The following KAT2B variants were observed in gnomAD, a reference collection of about 807,000 sequenced individuals.
KAT2B encodes histone acetyltransferase KAT2B.
A neutral mutation model predicts 105.9 loss-of-function variants in KAT2B; 36 were observed. The ratio of observed to expected loss-of-function variants is 0.34; its 90% CI spans 0.26 to 0.45. The LOEUF (loss-of-function observed/expected upper bound fraction) is 0.45, where lower values mean the gene tolerates loss of function less well. Ranked by LOEUF, KAT2B falls within the 20% of genes least tolerant of loss-of-function variation. KAT2B has a pLI of 1.00. For missense variants in KAT2B, 820 were observed against 1,021.6 expected, an observed-to-expected ratio of 0.80 and a Z score of 2.69; for synonymous variants, 397 against 377.9, an observed-to-expected ratio of 1.05 and a Z score of -0.59.
chr3:20,058,520 C>A (rs1435011218), intron 1 of KAT2B, among the ~76,000 whole-genome samples: 2 of 145,996 alleles, frequency 1.4e-5, no homozygotes, highest in Non-Finnish European at 3.0e-5. Context: ...CACTAGTTAT[C>A]TTTTCTCTCT....
intron 13 of KAT2B, among the ~76,000 whole-genome samples, chr3:20,144,357 T>C (rs967663090): frequency 5.5e-5 from 8 of 144,860 alleles, no homozygotes; most frequent in Non-Finnish European, 1.0e-4. Flanking sequence ...GGCATGATCT[T>C]GGCTCACTGC....
chr3:20,118,498 C>T (rs1376277395), intron 7 of KAT2B, among the ~76,000 whole-genome samples: 4 of 149,372 alleles, frequency 2.7e-5, no homozygotes, highest in Admixed American at 2.7e-4. Flanking sequence ...GGGCGGATCA[C>T]CTGAGGTCAG....
At chr3:20,124,444 G>C (rs1388837469) in intron 9 of KAT2B, among the ~76,000 whole-genome samples, 1 of 152,048 alleles carries the variant, frequency 6.6e-6, no homozygotes, top group African/African-American at 2.4e-5. Context: ...AGGAGGAGGA[G>C]CCAGACCCCT....
intron 1 of KAT2B, among the ~76,000 whole-genome samples, chr3:20,056,680 G>A (rs190968513): frequency 6.6e-6 from 1 of 152,190 alleles, no homozygotes; most frequent in Non-Finnish European, 1.5e-5. Flanking sequence ...GAAATGAGTT[G>A]ATAGAAGGTC....
chr3:20,108,816 T>C (rs766606577), intron 5 of KAT2B, among the ~76,000 whole-genome samples: 20 of 152,168 alleles, frequency 1.3e-4, no homozygotes, highest in Admixed American at 6.5e-4. Context: ...TAGATTCTCA[T>C]AGGAGCCTGA....
intron 2 of KAT2B, among the ~76,000 whole-genome samples, chr3:20,078,461 C>G (rs184700295): frequency 2.0e-5 from 3 of 152,000 alleles, no homozygotes; most frequent in East Asian, 3.9e-4. Context: ...CAACCTCCCC[C>G]TCTTGGGCTC....
chr3:20,115,459 C>T (rs1575142448), intron 7 of KAT2B, among the ~76,000 whole-genome samples: 1 of 152,056 alleles, frequency 6.6e-6, no homozygotes, highest in African/African-American at 2.4e-5. Context: ...GCAAGAAATG[C>T]CAAAGCAGTT....
intron 5 of KAT2B, among the ~76,000 whole-genome samples, chr3:20,107,295 T>C (rs1699038234): frequency 1.3e-5 from 2 of 148,746 alleles, no homozygotes; most frequent in Admixed American, 1.3e-4. Flanking sequence ...CCTCCCAAAG[T>C]GCTGGGATTA....
rs1699911059 is a variant in KAT2B at position 20,154,061 on chromosome 3, T to G, written c.*1536T>G. 2 of 152,626 alleles carry G rather than the reference T, an allele frequency of 1.3e-5. No individual in the cohort carries two copies. Among genetic ancestry groups the G allele is most frequent in the Admixed American group, 6.5e-5 (1 of 15,272 alleles). The allele number at this position is 152,626 out of a possible 1,614,324, so 9.5% of individuals were successfully genotyped here. A position where few individuals can be genotyped will look rare whatever the true frequency, so the allele number is the denominator to read the frequency against. On this transcript the variant is annotated 3_prime_UTR_variant, in exon 18 of 18. Coordinates refer to ENST00000263754, the MANE Select transcript of KAT2B (RefSeq NM_003884.5). ...CTAGATTTCTAATGAAGAATCATGATACAGTTTGGATTAAGTATCTTGGAC... is the reference window on the plus strand; with the variant it reads ...CTAGATTTCTAATGAAGAATCATGAGACAGTTTGGATTAAGTATCTTGGAC...
intron 12 of KAT2B, among the ~76,000 whole-genome samples, chr3:20,138,570 A>T (rs576416504): frequency 1.3e-5 from 2 of 152,286 alleles, no homozygotes; most frequent in South Asian, 4.1e-4. Context: ...TCAGGAAAGG[A>T]GTTGGTAACT....
chr3:20,131,500 G>A (rs1286720465), intron 11 of KAT2B, among the ~76,000 whole-genome samples: 1 of 152,138 alleles, frequency 6.6e-6, no homozygotes, highest in East Asian at 1.9e-4. Flanking sequence ...AAAACTGAAT[G>A]GGTCCCAGTG....
intron 10 of KAT2B, among the ~76,000 whole-genome samples, chr3:20,126,998 T>C (rs1337122341): frequency 7.9e-5 from 12 of 152,170 alleles, no homozygotes; most frequent in Admixed American, 7.9e-4. Flanking sequence ...GCAAATTGTA[T>C]ATGTAAATTT....
In KAT2B at chr3:20,112,804, A is replaced by G. The variant is rs138000048; in HGVS notation, c.1043+1017A>G. The stretch of plus-strand genomic sequence containing the variant: ...GTTTTGTTTGAGAAACTAGATTTTT[A>G]TTATTCAGATAGTGTTATTAGATTA... On this transcript the variant is annotated intron_variant, in intron 6 of 17. Transcript: ENST00000263754. Among the ~76,000 whole-genome samples, 784 of 152,308 alleles carry G rather than the reference A, an allele frequency of 5.1e-3. 17 individuals carry two copies. The highest frequency in any genetic ancestry group is 0.036 in the East Asian group (186 of 5,192).
intron 3 of KAT2B, among the ~76,000 whole-genome samples, chr3:20,096,770 T>C (rs13069629): frequency 0.11 from 16,587 of 152,240 alleles, 1,164 homozygotes; most frequent in Admixed American, 0.16. Context: ...TTTCTTTTCT[T>C]TGTCTGAACT....
Position 20,040,693 on chromosome 3 carries a change from G to A in KAT2B, c.216G>A (p.Ser72=), listed in dbSNP as rs759511211. The part of the protein sequence containing the change: ...GTAEGPGGGG[S]ARIAVKKAQL... ...CCGAAGGACCGGGAGGCGGTGGCTC[G>A]GCCCGAATCGCCGTGAAGAAAGCGC... The change falls in exon 1 of 18, where the codon TCG becomes TCA. Residue 72 remains serine (S), a synonymous_variant. Coordinates refer to ENST00000263754, the MANE Select transcript of KAT2B (RefSeq NM_003884.5). 3 of 1,574,478 alleles carry A rather than the reference G, an allele frequency of 1.9e-6. No homozygotes were observed. Among genetic ancestry groups the A allele is most frequent in the Non-Finnish European group, 2.6e-6 (3 of 1,165,082 alleles).
chr3:20,118,991 C>T (rs1367300863), intron 7 of KAT2B, among the ~76,000 whole-genome samples: 1 of 151,870 alleles, frequency 6.6e-6, no homozygotes, highest in Non-Finnish European at 1.5e-5. Flanking sequence ...CCTCTTGTCT[C>T]AATAATGTGG....
At chr3:20,080,733 A>G (rs1201114492) in intron 2 of KAT2B, among the ~76,000 whole-genome samples, 1 of 152,210 alleles carries the variant, frequency 6.6e-6, no homozygotes, top group Non-Finnish European at 1.5e-5. Context: ...CAATTTCACT[A>G]GTTTGAATTG....
rs1697691038 is a variant in KAT2B, at chr3:20,040,493, G to GGGGCC, written c.26_30dup (p.Gly11ArgfsTer69). 2 of 1,044,666 alleles carry GGGGCC rather than the reference G, an allele frequency of 1.9e-6. No homozygotes were observed. Among genetic ancestry groups the GGGGCC allele is most frequent in the South Asian group, 4.4e-5 (1 of 22,566 alleles). The allele number at this position is 1,044,666 out of a possible 1,614,324, so 64.7% of individuals were successfully genotyped here. ...CCGGGGCGGCATGTCCGAGGCTGGCGGGGCCGGGCCGGGCGGCTGCGGGGC... is the reference window on the plus strand; with the variant it reads ...CCGGGGCGGCATGTCCGAGGCTGGCGGGGCCGGGCCGGGCCGGGCGGCTGCGGGGC... On this transcript the variant is annotated frameshift_variant, in exon 1 of 18. Transcript: ENST00000263754. LOFTEE classifies it high-confidence loss of function.
At chr3:20,100,522 G>A (rs1698892025) in intron 4 of KAT2B, among the ~76,000 whole-genome samples, 1 of 152,058 alleles carries the variant, frequency 6.6e-6, no homozygotes, top group Admixed American at 6.6e-5. Context: ...CACTTTTTTA[G>A]CCTTTGATTG....
Sources: gnomAD v4.1 joint callset for allele counts (sites outside exome capture counted in the v4.1 genomes callset) on GRCh38, gnomAD v4.1.1 for gene constraint, MANE v1.5 for transcripts, NCBI Gene and HGNC (gene_info 2026-07-23, HGNC 2026-07-21) for gene names.